Variants in HNRNPUL2 observed in about 807,000 individuals in gnomAD.
HNRNPUL2 encodes heterogeneous nuclear ribonucleoprotein U-like protein 2.
Under a neutral mutation model 102.2 loss-of-function variants are expected in HNRNPUL2, and 27 were observed. The observed-to-expected ratio is 0.26, with a 90% confidence interval of 0.19 to 0.36. HNRNPUL2 has a LOEUF of 0.36. Ranked by LOEUF, HNRNPUL2 falls within the 10% of genes least tolerant of loss-of-function variation. The pLI, the probability that HNRNPUL2 is intolerant of heterozygous loss-of-function variation, is 1.00. For synonymous variants in HNRNPUL2, 458 were observed against 387.2 expected (o/e 1.18, Z -2.15); for missense variants, 936 against 981.1 (o/e 0.95, Z 0.61).
chr11:62,723,053 G>A (rs1045809336), intron 4 of HNRNPUL2, 150 bp from the exon 5 acceptor site: 1 of 648,908 alleles, frequency 1.5e-6, no homozygotes, highest in Non-Finnish European at 2.7e-6. Flanking sequence ...AAGCCACAGG[G>A]ATCAATTTCT....
rs1316838814 is a variant in HNRNPUL2, at chr11:62,713,710, A to G, written c.*1589T>C. 2.0e-5 allele frequency: 3 copies of G among 152,236 alleles called. No individual in the cohort carries two copies. Among genetic ancestry groups the G allele is most frequent in the Non-Finnish European group, 2.9e-5 (2 of 68,092 alleles). The allele number at this position is 152,236 out of a possible 1,614,324, so 9.4% of individuals were successfully genotyped here. A position where few individuals can be genotyped will look rare whatever the true frequency, so the allele number is the denominator to read the frequency against. On this transcript the variant is annotated 3_prime_UTR_variant, in exon 14 of 14. Coordinates refer to ENST00000301785, the MANE Select transcript of HNRNPUL2 (RefSeq NM_001079559.3). ...AGACCAAATCAGCCCACAATTTTAA[A>G]CAGAGAACTGCCCAGGTGAGGAAAT...
Position 62,723,870 on chromosome 11 carries a change from T to C in HNRNPUL2, c.751+44A>G, listed in dbSNP as rs769921031. On this transcript the variant is annotated intron_variant, in intron 3 of 13. Coordinates refer to ENST00000301785, the MANE Select transcript of HNRNPUL2 (RefSeq NM_001079559.3). ...AAGTTTTAATCTCCAAAATCACTTTTAGGAGATTAGTTAAAAACCACAGTC... is the reference window on the plus strand; with the variant it reads ...AAGTTTTAATCTCCAAAATCACTTTCAGGAGATTAGTTAAAAACCACAGTC... 5 of 1,603,098 alleles carry C rather than the reference T, an allele frequency of 3.1e-6. No individual in the cohort carries two copies. The Admixed American group carries it at 5.1e-5, about 16-fold the overall frequency.
chr11:62,719,900 T>C (rs1258381030), intron 10 of HNRNPUL2, 123 bp downstream of exon 10: 23 of 878,208 alleles, frequency 2.6e-5, no homozygotes, highest in Non-Finnish European at 3.6e-5. Context: ...CCTCACCAGA[T>C]GCTAATGCTA....
In HNRNPUL2 at chr11:62,724,132, G is replaced by A. The variant is rs117909940; in HGVS notation, c.675-142C>T. 4.4e-4 allele frequency: 516 copies of A among 1,181,828 alleles called. 5 individuals are homozygous for A. The East Asian group carries it at 0.01, about 24-fold the overall frequency. The allele number at this position is 1,181,828 out of a possible 1,614,324, so 73.2% of individuals were successfully genotyped here. A position where few individuals can be genotyped will look rare whatever the true frequency, so the allele number is the denominator to read the frequency against. ...ACAGCTTTTTCCAATAAATGAGAAAGGGCAATAGGAGTTTCCATGGTAGAT... is the reference window on the plus strand; with the variant it reads ...ACAGCTTTTTCCAATAAATGAGAAAAGGCAATAGGAGTTTCCATGGTAGAT... On this transcript the variant is annotated intron_variant, in intron 2 of 13. Transcript: ENST00000301785.
rs888662810 is a variant in HNRNPUL2 at position 62,727,313 on chromosome 11, G to T, written c.-157C>A. ...GCACGCACGCAGGAGCGGAGGCCGC[G>T]CACGGTCCCGCTGCGCAGTGTTTGC... is the stretch of plus-strand genomic sequence containing the variant. On this transcript the variant is annotated 5_prime_UTR_variant, in exon 1 of 14. Coordinates refer to ENST00000301785, the MANE Select transcript of HNRNPUL2 (RefSeq NM_001079559.3). 3 of 921,648 alleles carry T rather than the reference G, an allele frequency of 3.3e-6. No homozygotes were observed. The highest frequency in any genetic ancestry group is 4.2e-6 in the Non-Finnish European group (3 of 712,376). 57.1% of individuals were successfully genotyped at this position (921,648 alleles called of 1,614,324 possible).
chr11:62,725,446 C>A (rs2083738023), intron 1 of HNRNPUL2, among the ~76,000 whole-genome samples: 2 of 152,234 alleles, frequency 1.3e-5, no homozygotes, highest in African/African-American at 4.8e-5. Context: ...GTGATCCACC[C>A]GCCTGGCCTC....
intron 12 of HNRNPUL2, 90 bp downstream of exon 12, chr11:62,715,773 CT>C: frequency 7.6e-7 from 1 of 1,309,398 alleles, no homozygotes; most frequent in Non-Finnish European, 1.1e-6. Context: ...ACCCTAAGCC[CT>C]AAGAAAACAG....
At chr11:62,717,856 G>A (rs1246286355) in intron 10 of HNRNPUL2, among the ~76,000 whole-genome samples, 2 of 152,184 alleles carry the variant, frequency 1.3e-5, no homozygotes, top group Non-Finnish European at 2.9e-5. Flanking sequence ...GAGAAGAGAA[G>A]ACAAGAGTAC....
At chr11:62,721,183 A>G (rs894887091) in intron 9 of HNRNPUL2, 112 bp downstream of exon 9, 6 of 1,025,874 alleles carry the variant, frequency 5.8e-6, no homozygotes, top group African/African-American at 3.4e-5. Flanking sequence ...CATTGCAACC[A>G]TAACACACAA....
At chr11:62,718,642 G>A (rs914434266) in intron 10 of HNRNPUL2, among the ~76,000 whole-genome samples, 24 of 147,982 alleles carry the variant, frequency 1.6e-4, no homozygotes, top group South Asian at 8.5e-4. Flanking sequence ...GCAGTGAGCC[G>A]AGATCGCGCC....
Position 62,727,114 on chromosome 11 carries a change from G to C in HNRNPUL2, c.43C>G (p.Leu15Val). The C allele has an allele frequency of 6.9e-7, 1 of 1,447,234 alleles. No individual in the cohort carries two copies. The highest frequency in any genetic ancestry group is 2.5e-5 in the Admixed American group (1 of 39,650). 89.6% of individuals were successfully genotyped at this position (1,447,234 alleles called of 1,614,324 possible). Residue 15 changes from leucine to valine, a missense_variant, in exon 1 of 14, where the codon CTG becomes GTG. Coordinates refer to ENST00000301785, the MANE Select transcript of HNRNPUL2 (RefSeq NM_001079559.3). Reference protein sequence around the residue: ...RLKVTELRSELQRRGLDSRGL... With the variant: ...RLKVTELRSEVQRRGLDSRGL... ...CGCGAGTCCAGGCCCCGCCGCTGCA[G>C]CTCCGACCGCAGCTCGGTCACTTTC... is the stretch of plus-strand genomic sequence containing the variant.
chr11:62,718,232 G>A (rs2083674656), intron 10 of HNRNPUL2, among the ~76,000 whole-genome samples: 1 of 152,034 alleles, frequency 6.6e-6, no homozygotes, highest in African/African-American at 2.4e-5. Flanking sequence ...GGAATAGGAG[G>A]ATCAATCAAA....
intron 4 of HNRNPUL2, 124 bp downstream of exon 4, chr11:62,723,463 C>A (rs376266512): frequency 3.8e-6 from 4 of 1,042,250 alleles, no homozygotes; most frequent in East Asian, 5.3e-5. Context: ...TGGACTCCAG[C>A]CTGGGTAACA....
chr11:62,725,134 C>T (rs2083734975), intron 1 of HNRNPUL2, among the ~76,000 whole-genome samples: 1 of 152,190 alleles, frequency 6.6e-6, no homozygotes, highest in Non-Finnish European at 1.5e-5. Flanking sequence ...TTTCCCTAGG[C>T]TTCTGTATTT....
intron 12 of HNRNPUL2, 60 bp from the exon 13 acceptor site, chr11:62,715,667 G>A (rs201336175): frequency 6.8e-5 from 87 of 1,276,068 alleles, no homozygotes; most frequent in Middle Eastern, 1.9e-4. Flanking sequence ...ATGACCCACC[G>A]TGACCCCCTT....
Position 62,723,951 on chromosome 11 carries a change from A to G in HNRNPUL2, c.714T>C (p.Asp238=), listed in dbSNP as rs201909489. Residue 238 remains aspartate, a synonymous_variant, in exon 3 of 14, where the codon GAT becomes GAC. Coordinates refer to ENST00000301785, the MANE Select transcript of HNRNPUL2 (RefSeq NM_001079559.3). ...SPLPPEEEAK[D]EEEDQTLVNL... is the part of the protein sequence containing the mutation. ...TCACAAGAGTTTGATCCTCCTCCTC[A>G]TCTTTTGCCTCTTCTTCAGGAGGCA... The G allele has an allele frequency of 1.2e-6, 2 of 1,614,112 alleles. No individual in the cohort carries two copies. Among genetic ancestry groups the G allele is most frequent in the Admixed American group, 3.3e-5 (2 of 60,024 alleles).
rs1329967749 is a variant in HNRNPUL2, at chr11:62,714,275, A to T, written c.*1024T>A. On this transcript the variant is annotated 3_prime_UTR_variant, in exon 14 of 14. Transcript: ENST00000301785. ...GCACCTGGGCCTGTGAGCCCACACC[A>T]CAGGATTCACCTATATACATATCCC... 4 of 151,980 alleles carry T rather than the reference A, an allele frequency of 2.6e-5. No individual in the cohort carries two copies. Among genetic ancestry groups the T allele is most frequent in the African/African-American group, 9.7e-5 (4 of 41,384 alleles). The allele number at this position is 151,980 out of a possible 1,614,324, so 9.4% of individuals were successfully genotyped here.
At chr11:62,726,451 G>C (rs1266330069) in intron 1 of HNRNPUL2, among the ~76,000 whole-genome samples, 168 bp downstream of exon 1, 1 of 152,222 alleles carries the variant, frequency 6.6e-6, no homozygotes, top group African/African-American at 2.4e-5. Context: ...AGGGCCACGA[G>C]AGGCGGCCTA....
In HNRNPUL2 at chr11:62,727,431, C is replaced by G. The variant is rs931579002; in HGVS notation, c.-275G>C. 1.3e-5 allele frequency: 4 copies of G among 307,476 alleles called. No individual in the cohort carries two copies. The highest frequency in any genetic ancestry group is 1.7e-5 in the Non-Finnish European group (3 of 174,212). The allele number at this position is 307,476 out of a possible 1,614,324, so 19.0% of individuals were successfully genotyped here. On this transcript the variant is annotated 5_prime_UTR_variant, in exon 1 of 14. Transcript: ENST00000301785. The stretch of plus-strand genomic sequence containing the variant: ...CCCTCCAGGCCCTTGGTTCCCCAGC[C>G]GCGGGCAGGCGCGCGCGGAGGACGA...
Sources: gnomAD v4.1 joint callset for allele counts (sites outside exome capture counted in the v4.1 genomes callset) on GRCh38, gnomAD v4.1.1 for gene constraint, MANE v1.5 for transcripts, NCBI Gene and HGNC (gene_info 2026-07-23, HGNC 2026-07-21) for gene names.